SLC25A21: variants seen among roughly 807,000 people sequenced by gnomAD.
SLC25A21 encodes the protein mitochondrial 2-oxodicarboxylate carrier.
SLC25A21 carries 47 observed loss-of-function variants against 43.8 expected under a neutral mutation model. The observed-to-expected ratio is 1.07, with a 90% CI of 0.85 to 1.37. The LOEUF (loss-of-function observed/expected upper bound fraction) is 1.37. SLC25A21 is among the 40% of genes most tolerant of loss of function. The pLI, the probability that SLC25A21 is intolerant of heterozygous loss-of-function variation, is 0.00. For synonymous variants in SLC25A21, 131 were observed against 121.3 expected (o/e 1.08, Z -0.52); for missense variants, 352 against 350.2 (o/e 1.00, Z -0.04).
chr14:36,906,384 C>A (rs998602482), intron 1 of SLC25A21, among the ~76,000 whole-genome samples: 4 of 151,940 alleles, frequency 2.6e-5, no homozygotes, highest in African/African-American at 7.3e-5. Flanking sequence ...ATTTGGGATA[C>A]AAATGGTAGG....
chr14:37,017,460 A>T (rs1428772243), intron 1 of SLC25A21, among the ~76,000 whole-genome samples: 4 of 152,104 alleles, frequency 2.6e-5, no homozygotes, highest in Non-Finnish European at 5.9e-5. Context: ...AACATCAAAG[A>T]TTACTGATCA....
intron 1 of SLC25A21, among the ~76,000 whole-genome samples, chr14:37,057,491 A>G (rs1371711203): frequency 6.6e-6 from 1 of 152,232 alleles, no homozygotes; most frequent in Non-Finnish European, 1.5e-5. Flanking sequence ...CCTCAACCAA[A>G]AAGTGACTGG....
At chr14:37,152,101 G>C (rs1566916476) in intron 1 of SLC25A21, among the ~76,000 whole-genome samples, 1 of 152,104 alleles carries the variant, frequency 6.6e-6, no homozygotes, top group Non-Finnish European at 1.5e-5. Flanking sequence ...TAAGCATTCA[G>C]TAAATGTTAG....
chr14:36,901,455 A>G (rs2138598129), intron 1 of SLC25A21, among the ~76,000 whole-genome samples: 1 of 152,326 alleles, frequency 6.6e-6, no homozygotes, highest in South Asian at 2.1e-4. Context: ...ATTAGAGGAT[A>G]AGATGTACTT....
At chr14:36,966,565 T>C (rs1959620542) in intron 1 of SLC25A21, among the ~76,000 whole-genome samples, 2 of 152,128 alleles carry the variant, frequency 1.3e-5, no homozygotes, top group African/African-American at 2.4e-5. Flanking sequence ...GATTTTCTAA[T>C]AGGAAATGTC....
chr14:37,061,373 G>C (rs1961944989), intron 1 of SLC25A21, among the ~76,000 whole-genome samples: 1 of 152,138 alleles, frequency 6.6e-6, no homozygotes. Flanking sequence ...TTCTTGTAAT[G>C]ACTCTACCTT....
rs1167833377 is a variant in SLC25A21 at position 36,678,513 on chromosome 14, T to C, written c.*2145A>G. 5.9e-6 allele frequency: 9 copies of C among 1,536,906 alleles called. No homozygotes were observed. Among genetic ancestry groups the C allele is most frequent in the Non-Finnish European group, 7.8e-6 (9 of 1,146,780 alleles). ...GTGAGAAAATAGACTATAAACTGAATGGAACAAAGATCCAATCCAATATTT... is the reference window on the plus strand; with the variant it reads ...GTGAGAAAATAGACTATAAACTGAACGGAACAAAGATCCAATCCAATATTT... On this transcript the variant is annotated 3_prime_UTR_variant, in exon 10 of 10. Coordinates refer to ENST00000331299, the MANE Select transcript of SLC25A21 (RefSeq NM_030631.4).
chr14:36,873,461 A>G (rs1278683178), intron 2 of SLC25A21, among the ~76,000 whole-genome samples: 2 of 151,784 alleles, frequency 1.3e-5, no homozygotes, highest in Admixed American at 6.6e-5. Flanking sequence ...ATGCCCGGTT[A>G]ATTTTTGTAT....
chr14:36,831,895 TACA>T (rs1184222916), intron 2 of SLC25A21, among the ~76,000 whole-genome samples: 1 of 152,222 alleles, frequency 6.6e-6, no homozygotes, highest in African/African-American at 2.4e-5. Context: ...CTCTAAAATA[TACA>T]ACATTCTTTT....
At chr14:37,024,331 T>C (rs1961047862) in intron 1 of SLC25A21, among the ~76,000 whole-genome samples, 1 of 152,064 alleles carries the variant, frequency 6.6e-6, no homozygotes, top group Non-Finnish European at 1.5e-5. Flanking sequence ...AACTGTCTAA[T>C]GGTAGTGTCA....
intron 4 of SLC25A21, among the ~76,000 whole-genome samples, chr14:36,733,016 ACT>A (rs1191745307): frequency 6.6e-6 from 1 of 152,012 alleles, no homozygotes; most frequent in Admixed American, 6.5e-5. Context: ...ATAGGGACTG[ACT>A]CTGTTTTATA....
At chr14:36,803,460 A>G (rs114681438) in intron 3 of SLC25A21, among the ~76,000 whole-genome samples, 172 of 152,346 alleles carry the variant, frequency 1.1e-3, no homozygotes, top group African/African-American at 3.9e-3. Context: ...TATAGAATAC[A>G]AAATGGTACT....
intron 1 of SLC25A21, among the ~76,000 whole-genome samples, chr14:37,010,676 CTTTTAAATG>C (rs149194997): frequency 0.13 from 19,450 of 152,124 alleles, 1,509 homozygotes; most frequent in African/African-American, 0.22. Flanking sequence ...CTTTAAAGTA[CTTTTAAATG>C]TTTAAATGTA....
intron 7 of SLC25A21, among the ~76,000 whole-genome samples, chr14:36,705,039 G>C (rs1883449225): frequency 6.6e-6 from 1 of 152,080 alleles, no homozygotes; most frequent in Non-Finnish European, 1.5e-5. Context: ...GCTGACCTGA[G>C]TTACCGGGGC....
intron 2 of SLC25A21, among the ~76,000 whole-genome samples, chr14:36,862,498 C>G (rs1465076291): frequency 6.6e-6 from 1 of 152,148 alleles, no homozygotes; most frequent in African/African-American, 2.4e-5. Flanking sequence ...TCTCAGCAAA[C>G]TAACACAGGA....
intron 1 of SLC25A21, among the ~76,000 whole-genome samples, chr14:37,171,732 T>A (rs1964133331): frequency 6.6e-6 from 1 of 152,208 alleles, no homozygotes; most frequent in African/African-American, 2.4e-5. Flanking sequence ...GCCCATTATA[T>A]CAAAGGTGTT....
At chr14:36,784,662 A>G (rs1255791798) in intron 3 of SLC25A21, among the ~76,000 whole-genome samples, 1 of 152,190 alleles carries the variant, frequency 6.6e-6, no homozygotes, top group African/African-American at 2.4e-5. Context: ...CTTCTAGGAG[A>G]CAAGAGTGGG....
At chr14:36,918,413 C>G (rs11847341) in intron 1 of SLC25A21, among the ~76,000 whole-genome samples, 3 of 152,086 alleles carry the variant, frequency 2.0e-5, no homozygotes, top group African/African-American at 7.2e-5. Flanking sequence ...TCTCAAACAT[C>G]CCAGTTTCCT....
At chr14:37,045,324 A>G (rs539491404) in intron 1 of SLC25A21, among the ~76,000 whole-genome samples, 14 of 152,358 alleles carry the variant, frequency 9.2e-5, no homozygotes, top group Admixed American at 8.5e-4. Flanking sequence ...ACACTGTTAT[A>G]GAATTAGTAG....
Sources: allele counts gnomAD v4.1 joint callset (sites outside exome capture counted in the v4.1 genomes callset), GRCh38; gene constraint gnomAD v4.1.1; transcripts MANE v1.5; gene names NCBI Gene and HGNC (gene_info 2026-07-23, HGNC 2026-07-21).